Variants in ARMC9 observed in about 807,000 individuals in gnomAD.
ARMC9 encodes the protein lisH domain-containing protein ARMC9.
ARMC9 carries 94 observed loss-of-function variants against 107.0 expected under a neutral mutation model. That is an observed-to-expected ratio of 0.88 (90% CI 0.74 to 1.04). The LOEUF (loss-of-function observed/expected upper bound fraction) is 1.04, where lower values mean the gene tolerates loss of function less well. Ranked by LOEUF, ARMC9 falls within the 50% of genes least tolerant of loss-of-function variation. The pLI is 0.00. For missense variants in ARMC9, 942 were observed against 1,030.1 expected (o/e 0.91, Z 1.17); for synonymous variants, 380 against 396.9 (o/e 0.96, Z 0.51).
At chr2:231,261,678 C>T (rs1315227311) in intron 11 of ARMC9, among the ~76,000 whole-genome samples, 2 of 152,168 alleles carry the variant, frequency 1.3e-5, no homozygotes, top group Non-Finnish European at 2.9e-5. Context: ...AGCTCCTGAG[C>T]CCCTTTATAT....
At chr2:231,301,170 A>G (rs760694970) in intron 19 of ARMC9, among the ~76,000 whole-genome samples, 1 of 152,188 alleles carries the variant, frequency 6.6e-6, no homozygotes, top group Non-Finnish European at 1.5e-5. Flanking sequence ...CTTCTACACC[A>G]TGTTGCCTTT....
chr2:231,345,150 G>A (rs938984005), intron 21 of ARMC9, 60 bp downstream of exon 21: 10 of 1,581,546 alleles, frequency 6.3e-6, no homozygotes, highest in Admixed American at 2.0e-5. Context: ...TGATTACAGT[G>A]TAAGATGTAT....
chr2:231,285,175 G>T (rs2040498053), intron 17 of ARMC9, among the ~76,000 whole-genome samples: 1 of 151,982 alleles, frequency 6.6e-6, no homozygotes, highest in African/African-American at 2.4e-5. Flanking sequence ...TCCAGCCTGG[G>T]TAACAGAGCA....
chr2:231,295,097 TCTC>T (rs1457847482), intron 18 of ARMC9: 1 of 152,206 alleles, frequency 6.6e-6, no homozygotes, highest in Non-Finnish European at 1.5e-5. Flanking sequence ...AGCTGGGTGC[TCTC>T]CTCAAGTATG....
intron 6 of ARMC9, among the ~76,000 whole-genome samples, chr2:231,226,423 TA>T (rs1316058777): frequency 6.6e-6 from 1 of 152,202 alleles, no homozygotes; most frequent in Admixed American, 6.5e-5. Context: ...AGAGTTGAAT[TA>T]TGTATAAAAT....
rs2032329685 is a variant in ARMC9 at position 231,208,334 on chromosome 2, T to C, written c.177+82T>C. ...GGAAAATGCTGCTGTTGGATAGTGCTAGAATAGTTTTTGAGCACTTGCTCA... is the reference window on the plus strand; with the variant it reads ...GGAAAATGCTGCTGTTGGATAGTGCCAGAATAGTTTTTGAGCACTTGCTCA... On this transcript the variant is annotated intron_variant, in intron 3 of 24. Coordinates refer to ENST00000611582, the MANE Select transcript of ARMC9 (RefSeq NM_001352754.2). The C allele has an allele frequency of 5.3e-6, 6 of 1,135,696 alleles. No individual in the cohort carries two copies. The South Asian group carries it at 8.2e-5, about 15-fold the overall frequency. 70.4% of individuals were successfully genotyped at this position (1,135,696 alleles called of 1,614,324 possible).
At chr2:231,204,249 T>A (rs1461556087) in intron 1 of ARMC9, among the ~76,000 whole-genome samples, 1 of 150,926 alleles carries the variant, frequency 6.6e-6, no homozygotes, top group Non-Finnish European at 1.5e-5. Flanking sequence ...AGCCTCCTGT[T>A]ACTGTCAGCC....
rs114965265 is a variant in ARMC9, at chr2:231,242,251, G to A, written c.879+2210G>A. Among the ~76,000 whole-genome samples the A allele has an allele frequency of 5.3e-3, 804 of 151,954 alleles. 11 individuals carry two copies. The highest frequency in any genetic ancestry group is 0.019 in the African/African-American group (771 of 41,440). On this transcript the variant is annotated intron_variant, in intron 9 of 24. Transcript: ENST00000611582. The stretch of plus-strand genomic sequence containing the variant: ...ATCTCTTGGGTCAGCAGTTTGTATG[G>A]ATCTTCATAGAAGGCACGTAGTCAT...
chr2:231,252,120 A>C (rs1380187192), intron 9 of ARMC9, among the ~76,000 whole-genome samples: 1 of 152,244 alleles, frequency 6.6e-6, no homozygotes, highest in East Asian at 1.9e-4. Flanking sequence ...AGAGTTTAGC[A>C]AAAGAGTGTT....
intron 19 of ARMC9, among the ~76,000 whole-genome samples, chr2:231,319,957 T>C (rs1408918583): frequency 1.3e-5 from 2 of 152,228 alleles, no homozygotes; most frequent in Non-Finnish European, 2.9e-5. Flanking sequence ...GAAGTTGGTG[T>C]ATTAATTCCA....
rs535773953 is a variant in ARMC9, at chr2:231,256,578, C to A, written c.880-8C>A. 5.0e-5 allele frequency: 81 copies of A among 1,613,490 alleles called. No homozygotes were observed. The highest frequency in any genetic ancestry group is 6.4e-5 in the Non-Finnish European group (76 of 1,179,620). ...ACCATCTGTTTTCTTCTGTCCTCTT[C>A]CCCCCAGGCATCCACCATGTTACGA... is the stretch of plus-strand genomic sequence containing the variant. On this transcript the variant is annotated splice_polypyrimidine_tract_variant and splice_region_variant and intron_variant, in intron 9 of 24. Transcript: ENST00000611582.
chr2:231,240,885 A>G (rs1364581446), intron 9 of ARMC9, among the ~76,000 whole-genome samples: 1 of 151,956 alleles, frequency 6.6e-6, no homozygotes, highest in Middle Eastern at 3.2e-3. Context: ...GAAGAATATA[A>G]TTTTCCCCCT....
At chr2:231,270,809 A>G in intron 12 of ARMC9, 173 bp from the exon 13 acceptor site, 3 of 712,614 alleles carry the variant, frequency 4.2e-6, no homozygotes, top group Non-Finnish European at 7.7e-6. Flanking sequence ...GCCAAGTCTC[A>G]TCAAATTTCA....
rs1325792753 is a variant in ARMC9 at position 231,353,551 on chromosome 2, C to T, written c.1995-2247C>T. On this transcript the variant is annotated intron_variant, in intron 21 of 24. Transcript: ENST00000611582. ...GGCCAGGGAATCCCAGCAGAGAGAA[C>T]CTGGATCTGCAGCAAAGTCCCCTGC... Among the ~76,000 whole-genome samples, 9 of 106,838 alleles carry T rather than the reference C, an allele frequency of 8.4e-5. 1 individual carries two copies. The highest frequency in any genetic ancestry group is 1.6e-4 in the Admixed American group (2 of 12,704). The allele number at this position is 106,838 out of a possible 152,430, so 70.1% of individuals were successfully genotyped here.
chr2:231,279,501 TTTC>T lies in ARMC9; in HGVS notation c.1551+1046_1551+1048del, dbSNP rs1214200587. The stretch of plus-strand genomic sequence containing the variant: ...CCATTTCTTTCTTTCTTTTCTTTTT[TTTC>T]TTTTTTCTTTTTTTTTTTTTTTTTG... On this transcript the variant is annotated intron_variant, in intron 16 of 24. Transcript: ENST00000611582. Among the ~76,000 whole-genome samples, 5 of 144,308 alleles carry T rather than the reference TTTC, an allele frequency of 3.5e-5. No individual in the cohort carries two copies. The East Asian group carries it at 1.1e-3, about 32-fold the overall frequency. The allele number at this position is 144,308 out of a possible 152,430, so 94.7% of individuals were successfully genotyped here.
chr2:231,288,547 T>G (rs1320042014), intron 17 of ARMC9: 2 of 461,890 alleles, frequency 4.3e-6, no homozygotes, highest in African/African-American at 4.0e-5. Context: ...CGCTAGAGAG[T>G]TCAGTTGTTG....
At chr2:231,356,299 G>T (rs1355206033) in intron 22 of ARMC9, among the ~76,000 whole-genome samples, 2 of 152,224 alleles carry the variant, frequency 1.3e-5, no homozygotes, top group Non-Finnish European at 2.9e-5. Flanking sequence ...CCAGCCGCCT[G>T]CTGGAAGGCT....
intron 9 of ARMC9, among the ~76,000 whole-genome samples, chr2:231,252,271 C>G (rs1559354211): frequency 6.6e-6 from 1 of 152,118 alleles, no homozygotes; most frequent in Non-Finnish European, 1.5e-5. Flanking sequence ...ATTTTTGAGA[C>G]AGAGCTTTGC....
intron 19 of ARMC9, among the ~76,000 whole-genome samples, chr2:231,301,555 C>T (rs2041725321): frequency 6.6e-6 from 1 of 152,080 alleles, no homozygotes; most frequent in Admixed American, 6.6e-5. Context: ...TGTACATTTC[C>T]AATTTCATAT....
Sources: allele counts gnomAD v4.1 joint callset (sites outside exome capture counted in the v4.1 genomes callset), GRCh38; gene constraint gnomAD v4.1.1; transcripts MANE v1.5; gene names NCBI Gene and HGNC (gene_info 2026-07-23, HGNC 2026-07-21).